PCDH7: variants seen among roughly 807,000 people sequenced by gnomAD.
The protein encoded by PCDH7 is protocadherin 7.
Under a neutral mutation model 58.9 loss-of-function variants are expected in PCDH7, and 17 were observed. The observed-to-expected ratio is 0.29, with a 90% CI of 0.20 to 0.43. PCDH7 has a LOEUF of 0.43. PCDH7 is among the 20% of genes least tolerant of loss of function. PCDH7 has a pLI of 1.00. For synonymous variants in PCDH7, 664 were observed against 616.4 expected, an observed-to-expected ratio of 1.08 and a Z score of -1.14; for missense variants, 1,274 against 1,441.0, an observed-to-expected ratio of 0.88 and a Z score of 1.88.
At chr4:31,125,820 GTA>G (rs1418114455) in intron 3 of PCDH7, among the ~76,000 whole-genome samples, 1 of 152,164 alleles carries the variant, frequency 6.6e-6, no homozygotes, top group African/African-American at 2.4e-5. Flanking sequence ...TAGGTTAGTA[GTA>G]TTACATACAT....
chr4:31,049,818 T>C (rs6825405), intron 3 of PCDH7, among the ~76,000 whole-genome samples: 95,280 of 151,632 alleles, frequency 0.63, 32,276 homozygotes, highest in African/African-American at 0.89. Context: ...CGTGGACATA[T>C]TTGAACCAAT....
intron 1 of PCDH7, among the ~76,000 whole-genome samples, chr4:30,834,572 T>C (rs1730230074): frequency 6.6e-6 from 1 of 152,122 alleles, no homozygotes; most frequent in Admixed American, 6.6e-5. Context: ...TGGTACATGG[T>C]TAGCTTTCAG....
intron 3 of PCDH7, among the ~76,000 whole-genome samples, chr4:30,998,321 G>A (rs1207706785): frequency 1.3e-5 from 2 of 152,082 alleles, no homozygotes; most frequent in Non-Finnish European, 2.9e-5. Context: ...TGAGTTATTC[G>A]ATAACTTTCT....
chr4:30,723,411 G>T lies in PCDH7; in HGVS notation c.1989G>T (p.Val663=), dbSNP rs1362320093. 6.2e-7 allele frequency: 1 copy of T among 1,614,224 alleles called. No individual in the cohort carries two copies. The highest frequency in any genetic ancestry group is 8.5e-7 in the Non-Finnish European group (1 of 1,180,040). The change falls in exon 1 of 2, where the codon GTG becomes GTT. Residue 663 remains valine, a synonymous_variant. Coordinates refer to ENST00000361762, the Ensembl canonical transcript of PCDH7. The surrounding 1 kb of genome is among the most constrained non-coding windows in gnomAD (Gnocchi z 4.6). ...ACAGCCCTGTGGGGATGGTCACCGTGATGGATGCTGACAAGGGGCGGAATG... is the reference window on the plus strand; with the variant it reads ...ACAGCCCTGTGGGGATGGTCACCGTTATGGATGCTGACAAGGGGCGGAATG...
chr4:30,774,981 C>T (rs796731490), intron 1 of PCDH7, among the ~76,000 whole-genome samples: 35 of 152,200 alleles, frequency 2.3e-4, no homozygotes, highest in African/African-American at 7.5e-4. Context: ...AGCTTTGACT[C>T]CTTCTTTATT....
At chr4:30,881,850 T>C (rs1737012651) in intron 1 of PCDH7, among the ~76,000 whole-genome samples, 1 of 152,182 alleles carries the variant, frequency 6.6e-6, no homozygotes, top group Non-Finnish European at 1.5e-5. Flanking sequence ...TCTGTGCCTA[T>C]TCCTTAATCT....
chr4:31,120,784 T>G (rs1717598550), intron 3 of PCDH7, among the ~76,000 whole-genome samples: 1 of 152,180 alleles, frequency 6.6e-6, no homozygotes, highest in Admixed American at 6.5e-5. Context: ...CAAATCCTTT[T>G]ACCTCTTTCA....
downstream of PCDH7, among the ~76,000 whole-genome samples, chr4:30,735,059 C>G (rs1239748577): frequency 2.0e-5 from 3 of 152,016 alleles, no homozygotes; most frequent in Non-Finnish European, 4.4e-5. Flanking sequence ...CTTAGACAAG[C>G]TAAACTCAAG....
At chr4:30,812,748 C>A (rs1727185040) in intron 1 of PCDH7, among the ~76,000 whole-genome samples, 1 of 152,114 alleles carries the variant, frequency 6.6e-6, no homozygotes, top group African/African-American at 2.4e-5. Flanking sequence ...GATGGGAAAA[C>A]ATTATTCATC....
intron 1 of PCDH7, among the ~76,000 whole-genome samples, chr4:30,740,016 A>G (rs751146116): frequency 3.2e-4 from 48 of 152,224 alleles, no homozygotes; most frequent in Non-Finnish European, 6.0e-4. Context: ...AAATAGTGAT[A>G]ATAATGATAA....
At chr4:30,762,475 C>T (rs1295640838) in intron 1 of PCDH7, among the ~76,000 whole-genome samples, 1 of 147,542 alleles carries the variant, frequency 6.8e-6, no homozygotes, top group Non-Finnish European at 1.5e-5. Context: ...GTTATTTACT[C>T]TTCTTTTCCC....
intron 3 of PCDH7, among the ~76,000 whole-genome samples, chr4:30,992,860 A>T (rs1398128271): frequency 7.6e-6 from 1 of 131,090 alleles, no homozygotes; most frequent in Non-Finnish European, 1.5e-5. Context: ...GTGCAATGGC[A>T]TGATCTTGGC....
intron 1 of PCDH7, among the ~76,000 whole-genome samples, chr4:30,778,651 A>AT (rs1183571498): frequency 6.6e-6 from 1 of 152,018 alleles, no homozygotes; most frequent in Admixed American, 6.6e-5. Context: ...ATTGCTGTTT[A>AT]TTCTTTTTGA....
chr4:31,142,300 TTGA>T (rs1254769820), intron 3 of PCDH7, among the ~76,000 whole-genome samples, 170 bp from the exon 3 acceptor site: 3 of 152,164 alleles, frequency 2.0e-5, no homozygotes, highest in Middle Eastern at 3.2e-3. Context: ...AACCTTATCT[TTGA>T]TGCACATGGG....
intron 3 of PCDH7, among the ~76,000 whole-genome samples, chr4:31,073,120 A>G (rs1758691139): frequency 6.6e-6 from 1 of 152,294 alleles, no homozygotes; most frequent in Non-Finnish European, 1.5e-5. Context: ...AGCAAGTGAA[A>G]TAAGTATTTG....
intron 1 of PCDH7, among the ~76,000 whole-genome samples, chr4:30,846,152 G>A (rs1384347590): frequency 6.6e-6 from 1 of 152,004 alleles, no homozygotes; most frequent in Non-Finnish European, 1.5e-5. Context: ...TCCCAATGTT[G>A]GCACTATTGA....
intron 1 of PCDH7, among the ~76,000 whole-genome samples, chr4:30,861,626 T>C (rs1328597570): frequency 6.6e-6 from 1 of 152,212 alleles, no homozygotes; most frequent in African/African-American, 2.4e-5. Context: ...ATGGGATTAA[T>C]TTCCACACAC....
At chr4:31,144,581 G>A (rs1486358958), downstream of PCDH7, 1 of 152,120 alleles carries the variant, frequency 6.6e-6, no homozygotes, top group Non-Finnish European at 1.5e-5. Context: ...ATGTAGCTTT[G>A]GGTAGTTTCA....
chr4:30,722,902 G>A lies in PCDH7; in HGVS notation c.1480G>A (p.Asp494Asn), dbSNP rs1239362742. 45 of 1,613,696 alleles carry A rather than the reference G, an allele frequency of 2.8e-5. No individual in the cohort carries two copies. The highest frequency in any genetic ancestry group is 3.8e-5 in the Non-Finnish European group (45 of 1,180,036). Residue 494 changes from aspartate to asparagine, a missense_variant, in exon 1 of 2, where the codon GAC (aspartate) becomes AAC (asparagine). This residue lies in a region of PCDH7 where 731 missense variants were observed against 881.9 expected (regional missense o/e 0.83). Transcript: ENST00000361762. The surrounding 1 kb of genome is among the most constrained non-coding windows in gnomAD (Gnocchi z 7.6). ...CTTCTTGCACACCTCGACCCCTCTG[G>A]ACTATGAGGCCACCCGGGAGTTCAA...
Sources: allele counts gnomAD v4.1 joint callset (sites outside exome capture counted in the v4.1 genomes callset), GRCh38; gene constraint gnomAD v4.1.1; regional missense constraint gnomAD v4.1.1; non-coding constraint Gnocchi (gnomAD v3.1); transcripts MANE v1.5; gene names NCBI Gene and HGNC (gene_info 2026-07-23, HGNC 2026-07-21).